Variants in YAF2 observed in about 807,000 individuals in gnomAD.
YAF2 encodes YY1-associated factor 2.
Under a neutral mutation model 20.1 loss-of-function variants are expected in YAF2, and 7 were observed. The observed-to-expected ratio is 0.35, with a 90% confidence interval of 0.20 to 0.65. The LOEUF (loss-of-function observed/expected upper bound fraction) is 0.65. Ranked by LOEUF, YAF2 falls within the 30% of genes least tolerant of loss-of-function variation. The probability of loss-of-function intolerance (pLI) is 0.69; values close to 1 mark genes in which losing one functional copy is unlikely to be tolerated. For synonymous variants in YAF2, 74 were observed against 76.0 expected, an observed-to-expected ratio of 0.97 and a Z score of 0.14; for missense variants, 151 against 219.2, an observed-to-expected ratio of 0.69 and a Z score of 1.96.
chr12:42,230,065 T>C (rs2137405417), intron 2 of YAF2, among the ~76,000 whole-genome samples: 1 of 152,254 alleles, frequency 6.6e-6, no homozygotes, highest in East Asian at 1.9e-4. Context: ...GAGACCATCC[T>C]GGCCAACATG....
intron 2 of YAF2, chr12:42,231,310 C>A (rs1331364455): frequency 6.6e-6 from 1 of 152,052 alleles, no homozygotes; most frequent in Admixed American, 6.6e-5. Flanking sequence ...TTTTTGCAAA[C>A]CTCTAACATC....
intron 2 of YAF2, among the ~76,000 whole-genome samples, chr12:42,220,322 G>A (rs1441868272): frequency 2.0e-5 from 3 of 151,362 alleles, no homozygotes; most frequent in Non-Finnish European, 2.9e-5. Flanking sequence ...ATGAGAAAAA[G>A]AATTATCTTA....
rs530896080 is a variant in YAF2, at chr12:42,202,287, A to G, written c.152+35312T>C. Among the ~76,000 whole-genome samples the G allele has an allele frequency of 7.9e-5, 12 of 152,310 alleles. No homozygotes were observed. In the South Asian group the frequency reaches 2.5e-3, roughly 32 times the overall value. ...GTGCCATAATTTTTTTAACAGAGGTACTTACATAAAGCATACAAATACTGA... is the reference window on the plus strand; with the variant it reads ...GTGCCATAATTTTTTTAACAGAGGTGCTTACATAAAGCATACAAATACTGA... On this transcript the variant is annotated intron_variant, in intron 2 of 3. Coordinates refer to ENST00000534854, the MANE Select transcript of YAF2 (RefSeq NM_005748.6).
chr12:42,231,432 G>A (rs1472042811), intron 2 of YAF2: 1 of 152,144 alleles, frequency 6.6e-6, no homozygotes, highest in African/African-American at 2.4e-5. Context: ...CAGATATACA[G>A]TTGAAAAGAG....
chr12:42,163,138 T>G (rs74078179), intron 2 of YAF2, among the ~76,000 whole-genome samples: 3,653 of 152,138 alleles, frequency 0.024, 145 homozygotes, highest in African/African-American at 0.084. Flanking sequence ...GTTTCCAAGT[T>G]ATGCTGATGT....
intron 2 of YAF2, among the ~76,000 whole-genome samples, chr12:42,181,049 A>G (rs1471279384): frequency 6.6e-6 from 1 of 152,246 alleles, no homozygotes; most frequent in Non-Finnish European, 1.5e-5. Flanking sequence ...GCTCTGGGCA[A>G]CTGAATCTTT....
At chr12:42,228,047 C>T (rs1406666983) in intron 2 of YAF2, among the ~76,000 whole-genome samples, 2 of 116,128 alleles carry the variant, frequency 1.7e-5, no homozygotes, top group Admixed American at 1.6e-4. Flanking sequence ...GCCCGGCCAG[C>T]CGCCCCGTCT....
intron 2 of YAF2, chr12:42,172,119 T>C (rs2066066910): frequency 6.6e-6 from 1 of 152,222 alleles, no homozygotes; most frequent in Non-Finnish European, 1.5e-5. Context: ...AAAATCCTTA[T>C]TCACACAGTT....
intron 2 of YAF2, among the ~76,000 whole-genome samples, chr12:42,211,904 C>G (rs2067223406): frequency 6.6e-6 from 1 of 151,864 alleles, no homozygotes. Context: ...CAAAAATTAG[C>G]CGGGTGTAGT....
chr12:42,233,528 T>C, intron 2 of YAF2: 1 of 964,478 alleles, frequency 1.0e-6, no homozygotes, highest in African/African-American at 1.8e-5. Context: ...TTTTGTTTTT[T>C]TGAGACAAGG....
At chr12:42,217,767 A>G (rs536637678) in intron 2 of YAF2, among the ~76,000 whole-genome samples, 26 of 152,298 alleles carry the variant, frequency 1.7e-4, no homozygotes, top group African/African-American at 6.0e-4. Flanking sequence ...AATATCTTCA[A>G]TACACTGTGT....
At chr12:42,180,917 C>T (rs948749135) in intron 2 of YAF2, among the ~76,000 whole-genome samples, 1 of 152,216 alleles carries the variant, frequency 6.6e-6, no homozygotes, top group African/African-American at 2.4e-5. Flanking sequence ...CACTGCACTC[C>T]AGCCTGGGCG....
chr12:42,231,337 C>T (rs1217397237), intron 2 of YAF2: 1 of 152,042 alleles, frequency 6.6e-6, no homozygotes, highest in Non-Finnish European at 1.5e-5. Flanking sequence ...GTAGAAGACA[C>T]CTGGATTGTC....
chr12:42,188,760 C>CA (rs888286525), intron 2 of YAF2, among the ~76,000 whole-genome samples: 8 of 149,176 alleles, frequency 5.4e-5, no homozygotes, highest in East Asian at 2.0e-4. Flanking sequence ...AACCTATTTA[C>CA]AAAAAAAAAG....
At chr12:42,195,781 A>G (rs1350716826) in intron 2 of YAF2, among the ~76,000 whole-genome samples, 1 of 152,218 alleles carries the variant, frequency 6.6e-6, no homozygotes, top group African/African-American at 2.4e-5. Context: ...TCAGGCAGCT[A>G]TGGAAATACA....
chr12:42,218,902 A>C (rs2067437443), intron 2 of YAF2, among the ~76,000 whole-genome samples: 1 of 152,072 alleles, frequency 6.6e-6, no homozygotes, highest in African/African-American at 2.4e-5. Context: ...GGAGGGAGAG[A>C]GAAAGGGCTT....
At chr12:42,215,785 G>A (rs933926716) in intron 2 of YAF2, among the ~76,000 whole-genome samples, 1 of 152,030 alleles carries the variant, frequency 6.6e-6, no homozygotes, top group African/African-American at 2.4e-5. Context: ...CATTAGCCAG[G>A]CATGATTGCA....
intron 2 of YAF2, among the ~76,000 whole-genome samples, chr12:42,188,615 C>T (rs1404079644): frequency 6.6e-6 from 1 of 151,836 alleles, no homozygotes; most frequent in Non-Finnish European, 1.5e-5. Context: ...AAACTCCTGG[C>T]CACATGTAGA....
intron 2 of YAF2, among the ~76,000 whole-genome samples, chr12:42,206,299 A>T (rs1247254069): frequency 1.2e-4 from 2 of 16,334 alleles, no homozygotes; most frequent in African/African-American, 1.8e-3. Context: ...CTCTTAGTTA[A>T]AAAAAAAAAA....
Sources: allele counts gnomAD v4.1 joint callset (sites outside exome capture counted in the v4.1 genomes callset), GRCh38; gene constraint gnomAD v4.1.1; transcripts MANE v1.5; gene names NCBI Gene and HGNC (gene_info 2026-07-23, HGNC 2026-07-21).